Variants in TFB1M observed in about 807,000 individuals in gnomAD.
TFB1M encodes the protein transcription factor B1, mitochondrial.
In TFB1M, 27 loss-of-function variants were observed where a neutral mutation model predicts 31.1. That is an observed-to-expected ratio of 0.87 (90% confidence interval 0.64 to 1.20). The LOEUF is 1.20. TFB1M is among the 50% of genes most tolerant of loss of function. The pLI is 0.00. For synonymous variants in TFB1M, 166 were observed against 151.8 expected (o/e 1.09, Z -0.69); for missense variants, 394 against 418.7 (o/e 0.94, Z 0.51).
At chr6:155,284,776 T>C (rs1002956943) in intron 5 of TFB1M, among the ~76,000 whole-genome samples, 3 of 152,212 alleles carry the variant, frequency 2.0e-5, no homozygotes, top group African/African-American at 7.2e-5. Flanking sequence ...AAATAATGTT[T>C]GATGTAGCTT....
At chr6:155,280,838 G>A (rs1562402548) in intron 5 of TFB1M, among the ~76,000 whole-genome samples, 1 of 152,216 alleles carries the variant, frequency 6.6e-6, no homozygotes, top group South Asian at 2.1e-4. Flanking sequence ...CTCAATAGCT[G>A]TGAACAAGCA....
chr6:155,288,150 G>C (rs1583351100), intron 4 of TFB1M, among the ~76,000 whole-genome samples: 1 of 152,190 alleles, frequency 6.6e-6, no homozygotes, highest in Non-Finnish European at 1.5e-5. Context: ...TTCTGTGTGA[G>C]ATATGGAAGA....
chr6:155,286,546 T>C (rs1335870628), intron 4 of TFB1M, among the ~76,000 whole-genome samples: 4 of 148,822 alleles, frequency 2.7e-5, no homozygotes, highest in African/African-American at 7.4e-5. Flanking sequence ...CATGTGTATA[T>C]ATGTGTGTAT....
the TFB1M span, chr6:155,240,515 C>A: frequency 6.3e-7 from 1 of 1,594,102 alleles, no homozygotes; most frequent in African/African-American, 1.3e-5. Context: ...TTTTCCACCT[C>A]TTGTCCTCTC....
the TFB1M span, among the ~76,000 whole-genome samples, chr6:155,233,695 A>G: frequency 6.6e-6 from 1 of 152,182 alleles, no homozygotes; most frequent in Non-Finnish European, 1.5e-5. Context: ...AAGGCCCGGC[A>G]TGGTGGCTCA....
At chr6:155,256,034 C>G (rs1583297472), downstream of TFB1M, 1 of 186,088 alleles carries the variant, frequency 5.4e-6, no homozygotes, top group Non-Finnish European at 1.1e-5. Context: ...GGGGGAGGGG[C>G]ATTTTCTACT....
chr6:155,267,178 T>G (rs1421062981), intron 5 of TFB1M, among the ~76,000 whole-genome samples: 2 of 152,124 alleles, frequency 1.3e-5, no homozygotes, highest in Non-Finnish European at 2.9e-5. Flanking sequence ...TTTCACCATG[T>G]TGGCCAGGCT....
At chr6:155,297,363 T>C (rs1207227029) in intron 3 of TFB1M, among the ~76,000 whole-genome samples, 2 of 152,070 alleles carry the variant, frequency 1.3e-5, no homozygotes, top group Non-Finnish European at 1.5e-5. Context: ...GCCTAGGAAA[T>C]ACAGGAAAAA....
intron 4 of TFB1M, among the ~76,000 whole-genome samples, chr6:155,288,830 T>C (rs1005134925): frequency 6.6e-6 from 1 of 152,338 alleles, no homozygotes. Context: ...AGCATAAAAC[T>C]GAAATGTTCT....
chr6:155,293,790 T>G (rs1777037893), intron 4 of TFB1M, among the ~76,000 whole-genome samples: 1 of 152,240 alleles, frequency 6.6e-6, no homozygotes, highest in East Asian at 1.9e-4. Flanking sequence ...TAATGGTATA[T>G]TTCCCTTGAT....
chr6:155,290,619 G>A (rs960366984), intron 4 of TFB1M, among the ~76,000 whole-genome samples: 7 of 151,908 alleles, frequency 4.6e-5, no homozygotes, highest in African/African-American at 1.5e-4. Flanking sequence ...TGGTGAAGTC[G>A]AAGCAACACT....
At chr6:155,292,476 T>C (rs1583358144) in intron 4 of TFB1M, among the ~76,000 whole-genome samples, 1 of 152,080 alleles carries the variant, frequency 6.6e-6, no homozygotes, top group Non-Finnish European at 1.5e-5. Flanking sequence ...CAAGAGGCCT[T>C]GTAACATGCA....
chr6:155,251,240 GTGTTA>G (rs1783638250), downstream of TFB1M, among the ~76,000 whole-genome samples: 2 of 152,232 alleles, frequency 1.3e-5, no homozygotes, highest in African/African-American at 4.8e-5. Context: ...CTCAGGCCAA[GTGTTA>G]CAGGAACAGA....
At chr6:155,293,637 T>A (rs1777031364) in intron 4 of TFB1M, among the ~76,000 whole-genome samples, 1 of 152,196 alleles carries the variant, frequency 6.6e-6, no homozygotes, top group Non-Finnish European at 1.5e-5. Flanking sequence ...TCTGGGGCTA[T>A]GATATTTTTC....
At chr6:155,239,086 G>A in the TFB1M span, among the ~76,000 whole-genome samples, 1 of 152,164 alleles carries the variant, frequency 6.6e-6, no homozygotes, top group African/African-American at 2.4e-5. Context: ...TGACCAACAT[G>A]CTTGTGTAAG....
intron 5 of TFB1M, among the ~76,000 whole-genome samples, chr6:155,282,095 C>T (rs543347374): frequency 6.6e-6 from 1 of 152,208 alleles, no homozygotes; most frequent in African/African-American, 2.4e-5. Context: ...GAAATGAAAA[C>T]ACAAAATTAA....
intron 5 of TFB1M, chr6:155,276,411 T>C: frequency 6.4e-7 from 1 of 1,569,732 alleles, no homozygotes; most frequent in Non-Finnish European, 8.7e-7. Flanking sequence ...AATGGAACTT[T>C]TGGGTGCCAA....
chr6:155,291,926 T>C (rs1776944048), intron 4 of TFB1M, among the ~76,000 whole-genome samples: 1 of 152,192 alleles, frequency 6.6e-6, no homozygotes, highest in Non-Finnish European at 1.5e-5. Flanking sequence ...GCTTATGTAG[T>C]AGTAGAGTCT....
In TFB1M at chr6:155,311,227, C is replaced by T. The variant is rs1778002861; in HGVS notation, c.246G>A (p.Leu82=). 1 of 1,614,132 alleles carries T rather than the reference C, an allele frequency of 6.2e-7. No homozygotes were observed. The highest frequency in any genetic ancestry group is 1.3e-5 in the African/African-American group (1 of 75,048). Residue 82 remains leucine (L), a synonymous_variant, in exon 2 of 7, where the codon CTG becomes CTA. Coordinates refer to ENST00000367166, the MANE Select transcript of TFB1M (RefSeq NM_016020.4). ...TAAATCGAGTGTCCTTTTCAACCAC[C>T]AGAAGTTCAGCGACGTCGGCATTAA... ...SILNADVAEL[L]VVEKDTRFIP...
Sources: allele counts gnomAD v4.1 joint callset (sites outside exome capture counted in the v4.1 genomes callset), GRCh38; gene constraint gnomAD v4.1.1; transcripts MANE v1.5; gene names NCBI Gene and HGNC (gene_info 2026-07-23, HGNC 2026-07-21).